The following KCNIP1 variants were observed in gnomAD, a reference collection of about 807,000 sequenced individuals.
KCNIP1 encodes the protein potassium voltage-gated channel interacting protein 1.
In KCNIP1, 18 loss-of-function variants were observed where a neutral mutation model predicts 33.0. The observed-to-expected ratio is 0.55, with a 90% confidence interval of 0.38 to 0.81. KCNIP1 has a LOEUF of 0.81. Among genes scored for constraint, KCNIP1 ranks in the 30% least tolerant of loss-of-function variants. KCNIP1 has a pLI of 0.00. For synonymous variants in KCNIP1, 93 were observed against 98.3 expected, an observed-to-expected ratio of 0.95 and a Z score of 0.32; for missense variants, 238 against 271.6, an observed-to-expected ratio of 0.88 and a Z score of 0.87.
At chr5:170,665,799 TG>T (rs1761680411) in intron 1 of KCNIP1, among the ~76,000 whole-genome samples, 1 of 152,310 alleles carries the variant, frequency 6.6e-6, no homozygotes, top group African/African-American at 2.4e-5. Flanking sequence ...AAGGAGATAT[TG>T]GGCAGATGAC....
At chr5:170,470,242 C>T (rs1441824762) in intron 1 of KCNIP1, among the ~76,000 whole-genome samples, 2 of 152,132 alleles carry the variant, frequency 1.3e-5, no homozygotes, top group Non-Finnish European at 2.9e-5. Flanking sequence ...GCTCAGGTGT[C>T]CCCTTGCCCA....
At chr5:170,515,023 A>AT (rs1457393154) in intron 1 of KCNIP1, among the ~76,000 whole-genome samples, 2 of 152,160 alleles carry the variant, frequency 1.3e-5, no homozygotes, top group African/African-American at 4.8e-5. Flanking sequence ...ACAGGCACTG[A>AT]TCCCCCTATT....
chr5:170,409,256 C>T (rs1755116105), intron 1 of KCNIP1, among the ~76,000 whole-genome samples: 1 of 152,188 alleles, frequency 6.6e-6, no homozygotes, highest in South Asian at 2.1e-4. Flanking sequence ...TCACCACTGT[C>T]CTCCTTGGCT....
At chr5:170,405,700 C>T (rs754733354) in intron 1 of KCNIP1, among the ~76,000 whole-genome samples, 34 of 152,228 alleles carry the variant, frequency 2.2e-4, no homozygotes, top group Admixed American at 2.0e-4. Context: ...TGGTACATAA[C>T]GATTGGTTCA....
At chr5:170,390,513 A>ATATATATAT (rs1554088932) in intron 1 of KCNIP1, among the ~76,000 whole-genome samples, 3 of 28,854 alleles carry the variant, frequency 1.0e-4, no homozygotes, top group Admixed American at 3.6e-4. Flanking sequence ...AAAAAAAAAA[A>ATATATATAT]ACAAATATAT....
intron 1 of KCNIP1, among the ~76,000 whole-genome samples, chr5:170,439,900 C>T (rs555074794): frequency 6.6e-6 from 1 of 152,298 alleles, no homozygotes; most frequent in African/African-American, 2.4e-5. Flanking sequence ...TTCATACAAC[C>T]GGGGTATGGC....
At chr5:170,373,264 T>C (rs1346517315) in intron 1 of KCNIP1, among the ~76,000 whole-genome samples, 2 of 152,160 alleles carry the variant, frequency 1.3e-5, no homozygotes, top group Non-Finnish European at 2.9e-5. Context: ...CCAGAGGTGA[T>C]GGAGAAAACT....
chr5:170,456,701 T>TTTTCTTTC (rs147202327), intron 1 of KCNIP1, among the ~76,000 whole-genome samples: 2,829 of 135,758 alleles, frequency 0.021, 81 homozygotes, highest in Middle Eastern at 0.036. Context: ...CTCTCTCTCT[T>TTTTCTTTC]TTTCTTTCTT....
chr5:170,729,630 T>C (rs925112078), intron 5 of KCNIP1, among the ~76,000 whole-genome samples: 18 of 152,122 alleles, frequency 1.2e-4, no homozygotes, highest in African/African-American at 4.3e-4. Flanking sequence ...AAATAGTCAA[T>C]ACATATATTA....
chr5:170,442,894 G>T (rs938066076), intron 1 of KCNIP1, among the ~76,000 whole-genome samples: 4 of 152,066 alleles, frequency 2.6e-5, no homozygotes, highest in Non-Finnish European at 5.9e-5. Context: ...AGGATTTCTG[G>T]GATTAAAGAC....
At position 170,504,596 on chromosome 5, in the gene KCNIP1, C is replaced by A; in HGVS notation, c.24C>A (p.Phe8Leu). 1 of 1,613,884 alleles carries A rather than the reference C, an allele frequency of 6.2e-7. No homozygotes were observed. The highest frequency in any genetic ancestry group is 8.5e-7 in the Non-Finnish European group (1 of 1,180,008). The stretch of plus-strand genomic sequence containing the variant: ...CCATGGGGGCCGTCATGGGCACCTT[C>A]TCATCTCTGCAAACCAAACAAAGGC... MGAVMGT[F>L]SSLQTKQRRP... is the part of the protein sequence containing the mutation. The change falls in exon 1 of 8, where the codon TTC becomes TTA. Residue 8 changes from phenylalanine to leucine, a missense_variant. Phe to Leu is a conservative substitution (Grantham distance 22). Coordinates refer to ENST00000328939, the MANE Select transcript of KCNIP1 (RefSeq NM_014592.4). The surrounding 1 kb of genome is among the most constrained non-coding windows in gnomAD (Gnocchi z 6.0).
intron 1 of KCNIP1, among the ~76,000 whole-genome samples, chr5:170,550,695 G>A (rs1411146565): frequency 6.6e-6 from 1 of 152,224 alleles, no homozygotes; most frequent in East Asian, 1.9e-4. Flanking sequence ...TGATGGTGAT[G>A]ACAATGATGG....
intron 1 of KCNIP1, among the ~76,000 whole-genome samples, chr5:170,645,467 C>T (rs912077030): frequency 6.6e-6 from 1 of 152,062 alleles, no homozygotes; most frequent in African/African-American, 2.4e-5. Context: ...GGTCAACATA[C>T]AGAAGACAAA....
At chr5:170,533,822 G>T (rs10072376) in intron 1 of KCNIP1, among the ~76,000 whole-genome samples, 1 of 152,048 alleles carries the variant, frequency 6.6e-6, no homozygotes, top group Non-Finnish European at 1.5e-5. Flanking sequence ...GTCACATTCC[G>T]TCTCCAAATG....
At chr5:170,487,991 A>G (rs1253562869) in intron 1 of KCNIP1, among the ~76,000 whole-genome samples, 1 of 152,122 alleles carries the variant, frequency 6.6e-6, no homozygotes, top group Non-Finnish European at 1.5e-5. Flanking sequence ...CCCTTCTGAA[A>G]TATCTTCCTT....
At chr5:170,392,260 A>T (rs1160313662) in intron 1 of KCNIP1, among the ~76,000 whole-genome samples, 3 of 152,166 alleles carry the variant, frequency 2.0e-5, no homozygotes, top group Non-Finnish European at 2.9e-5. Flanking sequence ...CTCCCAGCTG[A>T]GGCCTCAGAG....
At chr5:170,711,780 G>A (rs922237579) in intron 1 of KCNIP1, among the ~76,000 whole-genome samples, 19 of 152,018 alleles carry the variant, frequency 1.2e-4, no homozygotes, top group African/African-American at 4.3e-4. Flanking sequence ...GGATCAAAGG[G>A]GCAACTAAAT....
chr5:170,410,601 C>A (rs1755161001), intron 1 of KCNIP1, among the ~76,000 whole-genome samples: 2 of 151,916 alleles, frequency 1.3e-5, no homozygotes, highest in African/African-American at 4.8e-5. Context: ...AAGTTGTTTC[C>A]CCAGGCTGAG....
At chr5:170,410,153 T>C (rs1467475399) in intron 1 of KCNIP1, among the ~76,000 whole-genome samples, 1 of 152,216 alleles carries the variant, frequency 6.6e-6, no homozygotes, top group Admixed American at 6.5e-5. Flanking sequence ...GTGCAGGGCC[T>C]CCTGAGTCCC....
Sources: allele counts gnomAD v4.1 joint callset (sites outside exome capture counted in the v4.1 genomes callset), GRCh38; gene constraint gnomAD v4.1.1; non-coding constraint Gnocchi (gnomAD v3.1); transcripts MANE v1.5; gene names NCBI Gene and HGNC (gene_info 2026-07-23, HGNC 2026-07-21).